The following TENM3 variants were observed in gnomAD, a reference collection of about 807,000 sequenced individuals.
TENM3 encodes teneurin transmembrane protein 3.
Under a neutral mutation model 255.1 loss-of-function variants are expected in TENM3, and 63 were observed. That is an observed-to-expected ratio of 0.25 (90% confidence interval 0.20 to 0.30). The LOEUF is 0.30. Ranked by LOEUF, TENM3 falls within the 10% of genes least tolerant of loss-of-function variation. The pLI is 1.00. For synonymous variants in TENM3, 1,306 were observed against 1,322.3 expected (o/e 0.99, Z 0.27); for missense variants, 2,929 against 3,461.1 (o/e 0.85, Z 3.86).
chr4:181,636,754 G>T, the TENM3 span, among the ~76,000 whole-genome samples: 1 of 152,212 alleles, frequency 6.6e-6, no homozygotes, highest in Admixed American at 6.5e-5. Context: ...TCCCTCTTCG[G>T]TTTATCCTCA....
In TENM3 at chr4:182,680,675, G is replaced by A. The variant is rs749541174; in HGVS notation, c.1772G>A (p.Gly591Glu). ...QCIDPQCGGR[G>E]ICIMGSCACN... ...ATTGACCCACAGTGTGGGGGTCGTG[G>A]GATTTGTATCATGGGCTCTTGTGCT... The change falls in exon 10 of 28, where the codon GGG (glycine) becomes GAG (glutamate). Residue 591 changes from glycine to glutamate, a missense_variant. Gly to Glu is a moderately conservative substitution (Grantham distance 98, BLOSUM62 -2). Coordinates refer to ENST00000511685, the MANE Select transcript of TENM3 (RefSeq NM_001080477.4). 12 of 1,604,502 alleles carry A rather than the reference G, an allele frequency of 7.5e-6. No individual in the cohort carries two copies. The highest frequency in any genetic ancestry group is 1.7e-6 in the Non-Finnish European group (2 of 1,176,456).
intron 3 of TENM3, among the ~76,000 whole-genome samples, chr4:182,467,555 G>A (rs566937403): frequency 6.6e-6 from 1 of 152,272 alleles, no homozygotes; most frequent in Non-Finnish European, 1.5e-5. Flanking sequence ...GATCTAAAGT[G>A]TTATGTTCCC....
At position 182,680,639 on chromosome 4, in the gene TENM3, C is replaced by G. The variant is rs1442341319; in HGVS notation, c.1736C>G (p.Thr579Ser). 1 of 1,613,326 alleles carries G rather than the reference C, an allele frequency of 6.2e-7. No homozygotes were observed. The highest frequency in any genetic ancestry group is 8.5e-7 in the Non-Finnish European group (1 of 1,179,768). ...AAGGGCACCGAGTGTGATGTGCCGA[C>G]TACCCAGTGTATTGACCCACAGTGT... Reference protein sequence around the residue: ...GWKGTECDVPTTQCIDPQCGG... With the variant: ...GWKGTECDVPSTQCIDPQCGG... The change falls in exon 10 of 28, where the codon ACT becomes AGT. Residue 579 changes from threonine to serine, a missense_variant. Thr to Ser is a moderately conservative substitution (Grantham distance 58, BLOSUM62 1). Transcript: ENST00000511685.
the TENM3 span, among the ~76,000 whole-genome samples, chr4:181,734,400 GAATC>G: frequency 2.6e-5 from 4 of 151,944 alleles, no homozygotes; most frequent in Non-Finnish European, 1.5e-5. Context: ...GTGTGTGAAT[GAATC>G]AATCAAGCCT....
chr4:182,538,657 T>C (rs1441079414), intron 3 of TENM3, among the ~76,000 whole-genome samples: 1 of 152,176 alleles, frequency 6.6e-6, no homozygotes, highest in East Asian at 1.9e-4. Flanking sequence ...ATTATTACCT[T>C]GGTTACAATA....
chr4:181,897,964 T>C, the TENM3 span, among the ~76,000 whole-genome samples: 2 of 152,170 alleles, frequency 1.3e-5, no homozygotes, highest in Non-Finnish European at 2.9e-5. Context: ...TCACCAAAAC[T>C]GCCATCGCAT....
chr4:182,720,681 C>T (rs189318729), intron 13 of TENM3, among the ~76,000 whole-genome samples: 7 of 151,660 alleles, frequency 4.6e-5, no homozygotes, highest in South Asian at 2.1e-4. Flanking sequence ...ACTCAAGGAA[C>T]GTAAGATTTA....
the TENM3 span, among the ~76,000 whole-genome samples, chr4:181,563,388 C>T: frequency 6.6e-6 from 1 of 152,294 alleles, no homozygotes; most frequent in East Asian, 1.9e-4. Context: ...AAAAGGGACA[C>T]CAGGCATTTT....
At chr4:181,845,249 A>G in the TENM3 span, among the ~76,000 whole-genome samples, 1 of 152,192 alleles carries the variant, frequency 6.6e-6, no homozygotes, top group African/African-American at 2.4e-5. Flanking sequence ...GTATTTGATT[A>G]TGTGCATTGA....
chr4:181,939,955 G>A, the TENM3 span, among the ~76,000 whole-genome samples: 4 of 152,052 alleles, frequency 2.6e-5, no homozygotes, highest in Admixed American at 1.3e-4. Context: ...TCAAAATATC[G>A]TGACAAGCAA....
chr4:181,669,110 T>C, the TENM3 span, among the ~76,000 whole-genome samples: 2 of 152,100 alleles, frequency 1.3e-5, no homozygotes, highest in Non-Finnish European at 2.9e-5. Flanking sequence ...GAAAAAAAAT[T>C]ACCAGCAATA....
rs551299925 is a variant in TENM3 at position 182,268,396 on chromosome 4, C to T, written c.-76+24920C>T. ...TCATTGCCCCTATTCAGCCTAAAAA[C>T]ATTACAAAAGATGAGTCTTCGTCCC... On this transcript the variant is annotated intron_variant, in intron 1 of 27. Coordinates refer to ENST00000511685, the MANE Select transcript of TENM3 (RefSeq NM_001080477.4). Among the ~76,000 whole-genome samples the T allele has an allele frequency of 6.6e-5, 10 of 152,190 alleles. 1 individual carries two copies. The South Asian group carries it at 2.1e-3, about 32-fold the overall frequency.
the TENM3 span, among the ~76,000 whole-genome samples, chr4:181,964,904 GA>G: frequency 6.6e-6 from 1 of 152,138 alleles, no homozygotes; most frequent in African/African-American, 2.4e-5. Context: ...AAACCCCTTT[GA>G]CGAAAAAGTT....
chr4:182,082,700 C>G, the TENM3 span, among the ~76,000 whole-genome samples: 2 of 152,252 alleles, frequency 1.3e-5, no homozygotes, highest in East Asian at 3.9e-4. Context: ...TGATAACCAC[C>G]AAATACAAAA....
chr4:182,306,736 T>G (rs2150395149), intron 1 of TENM3, among the ~76,000 whole-genome samples: 1 of 152,308 alleles, frequency 6.6e-6, no homozygotes, highest in East Asian at 1.9e-4. Context: ...TTCATGATTT[T>G]CAAGTTGTAC....
the TENM3 span, among the ~76,000 whole-genome samples, chr4:181,462,750 C>A: frequency 6.6e-6 from 1 of 152,156 alleles, no homozygotes; most frequent in Admixed American, 6.6e-5. Context: ...ACTTTTCCAG[C>A]TGAGTCAAGT....
At chr4:182,263,531 C>G (rs1251433759) in intron 1 of TENM3, among the ~76,000 whole-genome samples, 1 of 152,156 alleles carries the variant, frequency 6.6e-6, no homozygotes, top group Non-Finnish European at 1.5e-5. Context: ...GCGTTGCACT[C>G]TTTATTAATG....
the TENM3 span, among the ~76,000 whole-genome samples, chr4:181,814,721 T>G: frequency 1.3e-5 from 2 of 151,946 alleles, no homozygotes; most frequent in Admixed American, 6.6e-5. Flanking sequence ...CAAATGAAAA[T>G]TATGAAATAA....
chr4:181,496,455 C>T, the TENM3 span, among the ~76,000 whole-genome samples: 2 of 152,130 alleles, frequency 1.3e-5, no homozygotes, highest in African/African-American at 4.8e-5. Flanking sequence ...AGCCCACAGA[C>T]CACATTTAAC....
Sources: gnomAD v4.1 joint callset for allele counts (sites outside exome capture counted in the v4.1 genomes callset) on GRCh38, gnomAD v4.1.1 for gene constraint, MANE v1.5 for transcripts, NCBI Gene and HGNC (gene_info 2026-07-23, HGNC 2026-07-21) for gene names.